The following COL23A1 variants were observed in gnomAD, a reference collection of about 807,000 sequenced individuals.
COL23A1 encodes collagen type XXIII alpha 1 chain.
A neutral mutation model predicts 99.3 loss-of-function variants in COL23A1; 97 were observed. The observed-to-expected ratio is 0.98, with a 90% CI of 0.83 to 1.16. The LOEUF is 1.16. Ranked by LOEUF, COL23A1 falls within the 50% of genes most tolerant of loss-of-function variation. The pLI is 0.00. For synonymous variants in COL23A1, 320 were observed against 308.2 expected (o/e 1.04, Z -0.40); for missense variants, 762 against 757.4 (o/e 1.01, Z -0.07).
Position 178,263,284 on chromosome 5 carries a change from G to T in COL23A1, c.563C>A (p.Pro188His), listed in dbSNP as rs201780019. ...GCCCCGGGCCCCAGGAGGTCCAGGGGGCCCCGGAGGCCCAGCAGCTCCATC... is the reference window on the plus strand; with the variant it reads ...GCCCCGGGCCCCAGGAGGTCCAGGGTGCCCCGGAGGCCCAGCAGCTCCATC... The part of the protein sequence containing the change: ...GQDGAAGPPG[P>H]PGPPGARGPP... Residue 188 changes from proline (P) to histidine (H), a missense_variant, in exon 9 of 29, where the codon CCC becomes CAC. Transcript: ENST00000390654. 6 of 1,609,264 alleles carry T rather than the reference G, an allele frequency of 3.7e-6. No homozygotes were observed. In the East Asian group the frequency reaches 1.1e-4, roughly 30 times the overall value.
Position 178,589,869 on chromosome 5 carries a change from CCA to C in COL23A1, c.294+33_294+34del. On this transcript the variant is annotated intron_variant, in intron 1 of 28. Transcript: ENST00000390654. This position sits in a 1 kb window ranked among gnomAD's most constrained non-coding sequence, Gnocchi z 5.4. The stretch of plus-strand genomic sequence containing the variant: ...TACCGCCACCCTCAACCCGACACAC[CCA>C]AGTCCGCCCCAGCCACGCGCCAAGA... 2 of 1,285,946 alleles carry C rather than the reference CCA, an allele frequency of 1.6e-6. No individual in the cohort carries two copies. Among genetic ancestry groups the C allele is most frequent in the Non-Finnish European group, 9.8e-7 (1 of 1,019,798 alleles). 79.7% of individuals were successfully genotyped at this position (1,285,946 alleles called of 1,614,324 possible). A position where few individuals can be genotyped will look rare whatever the true frequency, so the allele number is the denominator to read the frequency against.
chr5:178,358,635 AGTGT>A (rs546261870), intron 2 of COL23A1, among the ~76,000 whole-genome samples: 4,011 of 124,560 alleles, frequency 0.032, 74 homozygotes, highest in Middle Eastern at 0.11. Context: ...GTATGTGTCT[AGTGT>A]GTGTGTGTAT....
At chr5:178,496,056 AG>A (rs1758183452) in intron 2 of COL23A1, among the ~76,000 whole-genome samples, 1 of 152,174 alleles carries the variant, frequency 6.6e-6, no homozygotes, top group Non-Finnish European at 1.5e-5. Context: ...TTTGGTCAGA[AG>A]GGATAGTCAA....
intron 25 of COL23A1, 122 bp from the exon 26 acceptor site, chr5:178,242,516 C>A: frequency 2.1e-6 from 2 of 946,026 alleles, no homozygotes; most frequent in South Asian, 1.4e-5. Context: ...ATTCGTGGCA[C>A]ACGCTGGCCT....
chr5:178,488,412 G>A (rs1364487845), intron 2 of COL23A1, among the ~76,000 whole-genome samples: 1 of 152,062 alleles, frequency 6.6e-6, no homozygotes, highest in Non-Finnish European at 1.5e-5. Context: ...CTAAATTTGC[G>A]TGTGACCTCC....
intron 2 of COL23A1, among the ~76,000 whole-genome samples, chr5:178,556,416 A>G (rs1425811074): frequency 6.6e-6 from 1 of 152,142 alleles, no homozygotes; most frequent in African/African-American, 2.4e-5. Context: ...TGAGGTCAGG[A>G]GTTCGAGACC....
chr5:178,566,052 C>T (rs990892821), intron 1 of COL23A1, among the ~76,000 whole-genome samples: 1 of 152,050 alleles, frequency 6.6e-6, no homozygotes, highest in African/African-American at 2.4e-5. Context: ...CACTTGAACC[C>T]GGAAGGCAGA....
At chr5:178,586,008 C>G (rs534798276) in intron 1 of COL23A1, among the ~76,000 whole-genome samples, 17 of 152,334 alleles carry the variant, frequency 1.1e-4, no homozygotes, top group Non-Finnish European at 1.8e-4. Context: ...AGACCGCTCT[C>G]TTCCCTGCCC....
intron 2 of COL23A1, among the ~76,000 whole-genome samples, chr5:178,416,992 G>A (rs925101767): frequency 2.6e-5 from 4 of 152,166 alleles, no homozygotes; most frequent in Non-Finnish European, 5.9e-5. Flanking sequence ...TCTTTCCCAG[G>A]AGACCTGGAG....
At chr5:178,245,541 TCCATCCATTCACCC>T (rs1764642026) in intron 25 of COL23A1, among the ~76,000 whole-genome samples, 1 of 76,280 alleles carries the variant, frequency 1.3e-5, no homozygotes, top group African/African-American at 7.6e-5. Flanking sequence ...CCATCACCCA[TCCATCCATTCACCC>T]ATCCATCCAT....
rs542204126 is a variant in COL23A1 at position 178,423,751 on chromosome 5, G to A, written c.362-116832C>T. Among the ~76,000 whole-genome samples the A allele has an allele frequency of 2.4e-4, 37 of 152,284 alleles. 1 individual carries two copies. The highest frequency in any genetic ancestry group is 8.2e-4 in the African/African-American group (34 of 41,534). On this transcript the variant is annotated intron_variant, in intron 2 of 28. Coordinates refer to ENST00000390654, the MANE Select transcript of COL23A1 (RefSeq NM_173465.4). ...TCCTCAGGTTACCCACGAGGAAACT[G>A]AGGCTTGGTGAGGGCTACCGCAGAC... is the stretch of plus-strand genomic sequence containing the variant.
chr5:178,289,597 T>G (rs1757344809), intron 4 of COL23A1, among the ~76,000 whole-genome samples: 1 of 152,248 alleles, frequency 6.6e-6, no homozygotes, highest in Non-Finnish European at 1.5e-5. Context: ...CCCCAGGGTC[T>G]AGTGGTCAAG....
chr5:178,410,517 G>C (rs1485770120), intron 2 of COL23A1, among the ~76,000 whole-genome samples: 2 of 152,168 alleles, frequency 1.3e-5, no homozygotes, highest in Admixed American at 6.5e-5. Flanking sequence ...ATTGGCATAA[G>C]GATAGATATA....
intron 2 of COL23A1, among the ~76,000 whole-genome samples, chr5:178,436,203 G>A (rs1231841110): frequency 6.6e-6 from 1 of 152,186 alleles, no homozygotes; most frequent in African/African-American, 2.4e-5. Context: ...AGGTAGCCCA[G>A]ACCCCTGAAA....
At chr5:178,508,190 A>G (rs2127991907) in intron 2 of COL23A1, among the ~76,000 whole-genome samples, 1 of 152,248 alleles carries the variant, frequency 6.6e-6, no homozygotes, top group East Asian at 1.9e-4. Context: ...TTTCAGTTCT[A>G]AAGCCCTCAT....
intron 17 of COL23A1, among the ~76,000 whole-genome samples, chr5:178,250,781 G>A (rs1199498410): frequency 8.0e-6 from 1 of 124,442 alleles, no homozygotes; most frequent in Non-Finnish European, 1.9e-5. Flanking sequence ...TCAGGAGTTT[G>A]AGACAGCCTG....
chr5:178,244,875 A>G (rs1764585802), intron 25 of COL23A1, among the ~76,000 whole-genome samples: 1 of 152,226 alleles, frequency 6.6e-6, no homozygotes, highest in African/African-American at 2.4e-5. Flanking sequence ...TGTCACCAGG[A>G]TATTGCAACA....
intron 2 of COL23A1, chr5:178,523,443 A>AG (rs1562052279): frequency 6.7e-6 from 1 of 148,672 alleles, no homozygotes; most frequent in African/African-American, 2.5e-5. Flanking sequence ...AAAAAAAAAA[A>AG]AAAAAAGAAA....
chr5:178,270,256 T>A, intron 6 of COL23A1, 81 bp downstream of exon 6: 1 of 1,545,250 alleles, frequency 6.5e-7, no homozygotes, highest in Non-Finnish European at 8.9e-7. Context: ...GCTGCTTCCC[T>A]CCAGTGCCTG....
Sources: allele counts gnomAD v4.1 joint callset (sites outside exome capture counted in the v4.1 genomes callset), GRCh38; gene constraint gnomAD v4.1.1; non-coding constraint Gnocchi (gnomAD v3.1); transcripts MANE v1.5; gene names NCBI Gene and HGNC (gene_info 2026-07-23, HGNC 2026-07-21).